ZCCHC7: variants seen among roughly 807,000 people sequenced by gnomAD.
ZCCHC7 encodes zinc finger CCHC domain-containing protein 7.
In ZCCHC7, 35 loss-of-function variants were observed where a neutral mutation model predicts 52.0. That is an observed-to-expected ratio of 0.67 (90% CI 0.51 to 0.89). The LOEUF (loss-of-function observed/expected upper bound fraction) is 0.89, where lower values mean the gene tolerates loss of function less well. Ranked by LOEUF, ZCCHC7 falls within the 40% of genes least tolerant of loss-of-function variation. The probability of loss-of-function intolerance (pLI) is 0.00; values close to 1 mark genes in which losing one functional copy is unlikely to be tolerated. For synonymous variants in ZCCHC7, 217 were observed against 221.5 expected (o/e 0.98, Z 0.18); for missense variants, 574 against 649.1 (o/e 0.88, Z 1.26).
intron 2 of ZCCHC7, among the ~76,000 whole-genome samples, chr9:37,147,643 CTT>C (rs1169474558): frequency 1.3e-5 from 2 of 151,854 alleles, no homozygotes; most frequent in Non-Finnish European, 2.9e-5. Context: ...GTGCACATGA[CTT>C]TCTTTCATAA....
intron 6 of ZCCHC7, among the ~76,000 whole-genome samples, chr9:37,341,525 C>T (rs1820636882): frequency 6.6e-6 from 1 of 152,130 alleles, no homozygotes; most frequent in Non-Finnish European, 1.5e-5. Context: ...CTTACTTTCT[C>T]CTAGCCTGGG....
chr9:37,129,461 TAAAC>T (rs1007154491), intron 2 of ZCCHC7, among the ~76,000 whole-genome samples: 4 of 152,354 alleles, frequency 2.6e-5, no homozygotes, highest in Admixed American at 2.6e-4. Context: ...TTCCAATTAA[TAAAC>T]AACATATTTA....
chr9:37,304,500 A>G (rs1439680413), intron 4 of ZCCHC7, among the ~76,000 whole-genome samples, 187 bp downstream of exon 4: 1 of 152,144 alleles, frequency 6.6e-6, no homozygotes, highest in Non-Finnish European at 1.5e-5. Flanking sequence ...CCAAAAATAT[A>G]CAAAAAATTA....
At chr9:37,305,458 T>G (rs1402004319) in intron 4 of ZCCHC7, 86 bp from the exon 5 acceptor site, 3 of 1,503,036 alleles carry the variant, frequency 2.0e-6, no homozygotes, top group Non-Finnish European at 2.7e-6. Flanking sequence ...TTAGAAAAGA[T>G]TTTTTTATGG....
At chr9:37,249,265 G>A (rs1015881013) in intron 2 of ZCCHC7, among the ~76,000 whole-genome samples, 1 of 152,018 alleles carries the variant, frequency 6.6e-6, no homozygotes, top group Non-Finnish European at 1.5e-5. Flanking sequence ...CTCCAGTGCC[G>A]TATCTGAATA....
rs529510756 is a variant in ZCCHC7, at chr9:37,223,334, C to T, written c.611-78854C>T. Among the ~76,000 whole-genome samples the T allele has an allele frequency of 2.0e-5, 3 of 152,224 alleles. No individual in the cohort carries two copies. The East Asian group carries it at 5.8e-4, about 29-fold the overall frequency. On this transcript the variant is annotated intron_variant, in intron 2 of 8. Coordinates refer to ENST00000336755, the MANE Select transcript of ZCCHC7 (RefSeq NM_032226.3). ...CATTAAATGTAATGAAAATCTAATA[C>T]ATGGTACAACATGGATGAACCTTGA... is the stretch of plus-strand genomic sequence containing the variant.
chr9:37,222,525 T>C (rs1036535645), intron 2 of ZCCHC7, among the ~76,000 whole-genome samples: 1 of 152,046 alleles, frequency 6.6e-6, no homozygotes, highest in Non-Finnish European at 1.5e-5. Flanking sequence ...TAATTTAAAA[T>C]TTGCTATTAA....
chr9:37,345,694 T>C (rs998341685), intron 6 of ZCCHC7, among the ~76,000 whole-genome samples: 1 of 149,874 alleles, frequency 6.7e-6, no homozygotes, highest in Non-Finnish European at 1.5e-5. Flanking sequence ...TGCTGCAGCC[T>C]GAGTGACAGA....
chr9:37,315,385 C>T (rs1445339281), intron 5 of ZCCHC7, among the ~76,000 whole-genome samples: 6 of 151,780 alleles, frequency 4.0e-5, no homozygotes, highest in African/African-American at 1.2e-4. Flanking sequence ...TAATAGTAAG[C>T]GTGATCTTCG....
intron 2 of ZCCHC7, among the ~76,000 whole-genome samples, chr9:37,237,659 AC>A (rs1010394956): frequency 1.3e-5 from 2 of 152,218 alleles, no homozygotes; most frequent in Admixed American, 6.5e-5. Context: ...TTAGAATGGC[AC>A]AAAATAAGGC....
intron 2 of ZCCHC7, among the ~76,000 whole-genome samples, chr9:37,137,760 A>G (rs2132751078): frequency 6.6e-6 from 1 of 152,318 alleles, no homozygotes; most frequent in Non-Finnish European, 1.5e-5. Context: ...ATCTTTTAAC[A>G]TAGGAAAGGA....
intron 2 of ZCCHC7, among the ~76,000 whole-genome samples, chr9:37,215,767 G>C (rs1341034909): frequency 2.0e-5 from 3 of 152,124 alleles, no homozygotes; most frequent in Non-Finnish European, 2.9e-5. Flanking sequence ...TACCTAAGTG[G>C]AAGGGCCATA....
In ZCCHC7 at chr9:37,357,102, A is replaced by G. The variant is rs754392778; in HGVS notation, c.1466A>G (p.Gln489Arg). 48 of 1,613,786 alleles carry G rather than the reference A, an allele frequency of 3.0e-5. No homozygotes were observed. Among genetic ancestry groups the G allele is most frequent in the Middle Eastern group, 1.6e-4 (1 of 6,082 alleles). ...TYSSPGSFKTQKPSKPFHRSS... is the reference protein window; with the variant it reads ...TYSSPGSFKTRKPSKPFHRSS... Reference sequence around the variant, plus strand: ...TCTTCTCCTGGCAGTTTTAAAACCCAGAAGCCTTCTAAGCCCTTTCACCGT... The same window carrying G: ...TCTTCTCCTGGCAGTTTTAAAACCCGGAAGCCTTCTAAGCCCTTTCACCGT... Residue 489 changes from glutamine to arginine, a missense_variant, in exon 9 of 9, where the codon CAG (glutamine) becomes CGG (arginine). Transcript: ENST00000336755.
chr9:37,181,459 A>T (rs1822349229), intron 2 of ZCCHC7, among the ~76,000 whole-genome samples: 1 of 152,236 alleles, frequency 6.6e-6, no homozygotes, highest in African/African-American at 2.4e-5. Flanking sequence ...CCAAACTTGG[A>T]AATAAACGCT....
At chr9:37,120,647 C>T (rs1842264917) in intron 1 of ZCCHC7, 24 bp downstream of exon 1, 1 of 393,608 alleles carries the variant, frequency 2.5e-6, no homozygotes, top group Non-Finnish European at 4.5e-6. Flanking sequence ...TGACGGACCC[C>T]CGCCGCCCGC....
chr9:37,307,285 G>A (rs992429085), intron 5 of ZCCHC7, among the ~76,000 whole-genome samples: 1 of 152,136 alleles, frequency 6.6e-6, no homozygotes. Flanking sequence ...CTTTGATGTG[G>A]AATATGTAGT....
At chr9:37,184,545 TTC>T in intron 2 of ZCCHC7, among the ~76,000 whole-genome samples, 1 of 152,308 alleles carries the variant, frequency 6.6e-6, no homozygotes, top group South Asian at 2.1e-4. Flanking sequence ...TCTGGAATTT[TTC>T]TCTTTTGTAC....
intron 2 of ZCCHC7, among the ~76,000 whole-genome samples, chr9:37,235,232 T>C (rs566851875): frequency 6.6e-6 from 1 of 152,326 alleles, no homozygotes; most frequent in South Asian, 2.1e-4. Flanking sequence ...TCTGTTCTTT[T>C]ATACCTATTG....
chr9:37,321,846 C>A (rs180751462), intron 5 of ZCCHC7, among the ~76,000 whole-genome samples: 42 of 152,232 alleles, frequency 2.8e-4, no homozygotes, highest in Admixed American at 4.6e-4. Flanking sequence ...TAGTTTAAAA[C>A]TTCTGGTTCC....
Sources: gnomAD v4.1 joint callset for allele counts (sites outside exome capture counted in the v4.1 genomes callset) on GRCh38, gnomAD v4.1.1 for gene constraint, MANE v1.5 for transcripts, NCBI Gene and HGNC (gene_info 2026-07-23, HGNC 2026-07-21) for gene names.